MDN1: variants seen among roughly 807,000 people sequenced by gnomAD.
MDN1 encodes the protein midasin.
MDN1 carries 266 observed loss-of-function variants against 669.2 expected under a neutral mutation model. That is an observed-to-expected ratio of 0.40 (90% CI 0.36 to 0.44). The LOEUF (loss-of-function observed/expected upper bound fraction) is 0.44, where lower values mean the gene tolerates loss of function less well. Among genes scored for constraint, MDN1 ranks in the 20% least tolerant of loss-of-function variants. The pLI is 1.00. For synonymous variants in MDN1, 2,385 were observed against 2,457.1 expected (o/e 0.97, Z 0.87); for missense variants, 5,940 against 6,754.0 (o/e 0.88, Z 4.22).
chr6:89,652,174 C>T lies in MDN1; in HGVS notation c.15915+18G>A. On this transcript the variant is annotated intron_variant, in intron 95 of 101. Coordinates refer to ENST00000369393, the MANE Select transcript of MDN1 (RefSeq NM_014611.3). ...AAGTCGAGATATTTTATGAAAAAAA[C>T]AGTGAGCAGTGACTTACCTCCTCTG... The T allele has an allele frequency of 6.3e-7, 1 of 1,597,934 alleles. No homozygotes were observed. Among genetic ancestry groups the T allele is most frequent in the Non-Finnish European group, 8.5e-7 (1 of 1,172,024 alleles).
At chr6:89,693,825 ACTT>A (rs1466614662) in intron 62 of MDN1, among the ~76,000 whole-genome samples, 6 of 152,178 alleles carry the variant, frequency 3.9e-5, no homozygotes, top group African/African-American at 7.2e-5. Flanking sequence ...ATCACACCCC[ACTT>A]CTTCTATGCT....
At chr6:89,757,246 G>A (rs1281264087) in intron 19 of MDN1, among the ~76,000 whole-genome samples, 1 of 152,054 alleles carries the variant, frequency 6.6e-6, no homozygotes, top group Non-Finnish European at 1.5e-5. Flanking sequence ...CAACAACTAA[G>A]TACCTTGTTC....
In MDN1 at chr6:89,794,581, G is replaced by C; in HGVS notation, c.550C>G (p.Arg184Gly). Residue 184 changes from arginine to glycine, a missense_variant, in exon 3 of 102, where the codon CGC (arginine) becomes GGC (glycine). Transcript: ENST00000369393. ...AAAAGTCTAACAGCTACGCACCAGC[G>C]AACCAAGGTGTCATGGCTTCTGAGG... ...PLLRSHDTLV[R>G]WYTANCLALV... The C allele has an allele frequency of 6.2e-7, 1 of 1,612,756 alleles. No individual in the cohort carries two copies. Among genetic ancestry groups the C allele is most frequent in the Non-Finnish European group, 8.5e-7 (1 of 1,180,018 alleles).
intron 31 of MDN1, among the ~76,000 whole-genome samples, chr6:89,741,420 C>G (rs1336841468): frequency 6.6e-6 from 1 of 152,070 alleles, no homozygotes; most frequent in Non-Finnish European, 1.5e-5. Context: ...TGGGTATAGG[C>G]CAAGTAAACT....
intron 32 of MDN1, among the ~76,000 whole-genome samples, chr6:89,738,661 TTTC>T (rs1194377616): frequency 6.6e-6 from 1 of 152,200 alleles, no homozygotes. Context: ...TCATCATCAC[TTTC>T]TTAATAGACG....
intron 63 of MDN1, among the ~76,000 whole-genome samples, chr6:89,691,534 GTTTTTGTTTT>G (rs764427666): frequency 1.3e-5 from 2 of 151,824 alleles, no homozygotes; most frequent in Non-Finnish European, 2.9e-5. Context: ...CATTGGGTTG[GTTTTTGTTTT>G]TTTTTGTTTT....
rs368328792 is a variant in MDN1 at position 89,718,568 on chromosome 6, T to G, written c.6381A>C (p.Ala2127=). Residue 2127 remains alanine, a synonymous_variant, in exon 43 of 102, where the codon GCA becomes GCC. Coordinates refer to ENST00000369393, the MANE Select transcript of MDN1 (RefSeq NM_014611.3). ...LLEKVEGTVR[A]LLRDSLLISA... ...TGATAAGGAGGCTATCCCTTAACAG[T>G]GCCCTTACAGTTCCCTCCACCTTCT... is the stretch of plus-strand genomic sequence containing the variant. 18 of 1,614,038 alleles carry G rather than the reference T, an allele frequency of 1.1e-5. No homozygotes were observed. The highest frequency in any genetic ancestry group is 1.5e-5 in the Non-Finnish European group (18 of 1,180,026).
chr6:89,705,525 TGTA>T lies in MDN1; in HGVS notation c.8148+531_8148+533del, dbSNP rs536429653. 3.2e-3 allele frequency among the ~76,000 whole-genome samples: 484 copies of T among 152,224 alleles called. 1 individual carries two copies. The highest frequency in any genetic ancestry group is 0.011 in the African/African-American group (464 of 41,554). On this transcript the variant is annotated intron_variant, in intron 53 of 101. Transcript: ENST00000369393. ...ACAACAGGTGAGCGAATAAAAAAAC[TGTA>T]GTAGATCCACACAATGGAATACTAC... is the stretch of plus-strand genomic sequence containing the variant.
At chr6:89,684,831 T>A (rs1811897289) in intron 71 of MDN1, 45 bp downstream of exon 71, 2 of 1,261,408 alleles carry the variant, frequency 1.6e-6, no homozygotes, top group African/African-American at 3.0e-5. Flanking sequence ...GAGAATTTGC[T>A]GATTTTGTCC....
intron 1 of MDN1, 59 bp from the exon 2 acceptor site, chr6:89,803,613 G>A: frequency 1.6e-6 from 2 of 1,245,534 alleles, no homozygotes; most frequent in Middle Eastern, 2.7e-4. Context: ...ACACAGTCTC[G>A]CTCTGTCGCC....
chr6:89,709,938 C>T (rs1038261484), intron 50 of MDN1, among the ~76,000 whole-genome samples: 5 of 152,058 alleles, frequency 3.3e-5, no homozygotes, highest in Non-Finnish European at 7.4e-5. Flanking sequence ...GCTCTGTTGC[C>T]CAGGCTAGAA....
intron 18 of MDN1, 83 bp from the exon 19 acceptor site, chr6:89,758,434 G>T: frequency 8.9e-7 from 1 of 1,119,548 alleles, no homozygotes; most frequent in Non-Finnish European, 1.3e-6. Context: ...GCCTGATGCT[G>T]GCTGCTCACA....
intron 1 of MDN1, among the ~76,000 whole-genome samples, chr6:89,805,732 T>C (rs1332030316): frequency 6.6e-6 from 1 of 152,176 alleles, no homozygotes; most frequent in African/African-American, 2.4e-5. Context: ...ATGAAAACAT[T>C]TGATTCTGAT....
Position 89,789,670 on chromosome 6 carries a change from C to T in MDN1, c.1230+110G>A. 3 of 1,296,432 alleles carry T rather than the reference C, an allele frequency of 2.3e-6. No individual in the cohort carries two copies. In the Admixed American group the frequency reaches 7.4e-5, roughly 32 times the overall value. The allele number at this position is 1,296,432 out of a possible 1,614,324, so 80.3% of individuals were successfully genotyped here. A position where few individuals can be genotyped will look rare whatever the true frequency, so the allele number is the denominator to read the frequency against. ...ATGAAGTACCTGCAACATAGTACGT[C>T]TAATCAAATACATTTTTGTTTAAAT... On this transcript the variant is annotated intron_variant, in intron 7 of 101. Coordinates refer to ENST00000369393, the MANE Select transcript of MDN1 (RefSeq NM_014611.3).
intron 8 of MDN1, 136 bp downstream of exon 8, chr6:89,787,718 G>A: frequency 1.7e-6 from 1 of 604,442 alleles, no homozygotes; most frequent in Non-Finnish European, 2.9e-6. Context: ...GAATGAGAAG[G>A]TTAGACCTGT....
chr6:89,673,431 T>G lies in MDN1; in HGVS notation c.13279A>C (p.Ser4427Arg). The G allele has an allele frequency of 6.2e-7, 1 of 1,614,098 alleles. No homozygotes were observed. Among genetic ancestry groups the G allele is most frequent in the Non-Finnish European group, 8.5e-7 (1 of 1,180,018 alleles). ...TGAACTGACACCTGGGACAAGCAAC[T>G]CAGCGCAGAAGAGCAAACTTCAAAA... Reference protein sequence around the residue: ...KDFEVCSSALSCLSQVSVHLQ... With the variant: ...KDFEVCSSALRCLSQVSVHLQ... Residue 4427 changes from serine (S) to arginine (R), a missense_variant, in exon 80 of 102, where the codon AGT becomes CGT. By Grantham distance (110) the Ser-to-Arg change is moderately radical. Coordinates refer to ENST00000369393, the MANE Select transcript of MDN1 (RefSeq NM_014611.3).
In MDN1 at chr6:89,719,130, C is replaced by G. The variant is rs373949704; in HGVS notation, c.6057+6G>C. 8.7e-6 allele frequency: 14 copies of G among 1,612,740 alleles called. No homozygotes were observed. The African/African-American group carries it at 1.6e-4, about 18-fold the overall frequency. On this transcript the variant is annotated splice_donor_region_variant and intron_variant, in intron 41 of 101. Coordinates refer to ENST00000369393, the MANE Select transcript of MDN1 (RefSeq NM_014611.3). ...AAAGGATAGAGGATTATCCTAGTCTCCTTACCTGAACATCATAGGGAGTGA... is the reference window on the plus strand; with the variant it reads ...AAAGGATAGAGGATTATCCTAGTCTGCTTACCTGAACATCATAGGGAGTGA...
intron 13 of MDN1, among the ~76,000 whole-genome samples, chr6:89,774,291 A>AC (rs1818246870): frequency 6.6e-6 from 1 of 152,136 alleles, no homozygotes; most frequent in Admixed American, 6.5e-5. Context: ...ATCTTATATA[A>AC]CCCCAGCCTT....
chr6:89,740,280 C>T lies in MDN1; in HGVS notation c.4547G>A (p.Arg1516His), dbSNP rs1208496093. Residue 1516 changes from arginine to histidine, a missense_variant, in exon 32 of 102, where the codon CGT becomes CAT. By Grantham distance (29) the Arg-to-His change is conservative. This residue lies in a region of MDN1 where 2,292 missense variants were observed against 2,638.3 expected (regional missense o/e 0.87). Transcript: ENST00000369393. ...CCCAGGGTTCATGGTTGCTAGAATACGAAATTTTTTCCCAGCAGTCAACAG... is the reference window on the plus strand; with the variant it reads ...CCCAGGGTTCATGGTTGCTAGAATATGAAATTTTTTCCCAGCAGTCAACAG... ...IELLTAGKKF[R>H]ILATMNPGGD... 1.5e-5 allele frequency: 24 copies of T among 1,611,602 alleles called. No homozygotes were observed. The highest frequency in any genetic ancestry group is 2.2e-5 in the South Asian group (2 of 90,556).
Sources: gnomAD v4.1 joint callset for allele counts (sites outside exome capture counted in the v4.1 genomes callset) on GRCh38, gnomAD v4.1.1 for gene constraint, gnomAD v4.1.1 regional missense constraint, MANE v1.5 for transcripts, NCBI Gene and HGNC (gene_info 2026-07-23, HGNC 2026-07-21) for gene names.